The following ELMO1 variants were observed in gnomAD, a reference collection of about 807,000 sequenced individuals.
ELMO1 encodes engulfment and cell motility protein 1.
ELMO1 carries 26 observed loss-of-function variants against 98.9 expected under a neutral mutation model. The ratio of observed to expected loss-of-function variants is 0.26; its 90% CI spans 0.19 to 0.36. The LOEUF (loss-of-function observed/expected upper bound fraction) is 0.36, where lower values mean the gene tolerates loss of function less well. Among genes scored for constraint, ELMO1 ranks in the 10% least tolerant of loss-of-function variants. The pLI is 1.00. For missense variants in ELMO1, 627 were observed against 935.2 expected (o/e 0.67, Z 4.30); for synonymous variants, 346 against 346.0 (o/e 1.00, Z 0.00).
chr7:36,918,998 T>C (rs1438129682), intron 16 of ELMO1, among the ~76,000 whole-genome samples: 1 of 151,038 alleles, frequency 6.6e-6, no homozygotes, highest in Non-Finnish European at 1.5e-5. Context: ...ATTCATTCAG[T>C]CAGTCAGTCA....
intron 1 of ELMO1, among the ~76,000 whole-genome samples, chr7:37,400,219 C>T (rs1038343802): frequency 1.3e-5 from 2 of 152,118 alleles, no homozygotes; most frequent in Non-Finnish European, 1.5e-5. Context: ...CCCTTTGTCT[C>T]GCACACAGCA....
chr7:37,416,971 A>C (rs1804241901), intron 1 of ELMO1, among the ~76,000 whole-genome samples: 1 of 152,230 alleles, frequency 6.6e-6, no homozygotes. Flanking sequence ...CTAGCTTATG[A>C]AATCAAATGA....
chr7:37,410,744 A>C (rs1309005221), intron 1 of ELMO1, among the ~76,000 whole-genome samples: 1 of 152,240 alleles, frequency 6.6e-6, no homozygotes, highest in Non-Finnish European at 1.5e-5. Flanking sequence ...CCCTAAAGGA[A>C]GGCAACCTGA....
chr7:37,093,407 A>G (rs1162549893), intron 15 of ELMO1, among the ~76,000 whole-genome samples: 1 of 152,182 alleles, frequency 6.6e-6, no homozygotes, highest in Non-Finnish European at 1.5e-5. Context: ...TTAATTGAGT[A>G]CTTCTTTGGT....
intron 4 of ELMO1, among the ~76,000 whole-genome samples, chr7:37,296,324 T>C (rs1251672986): frequency 6.6e-6 from 1 of 152,162 alleles, no homozygotes; most frequent in Non-Finnish European, 1.5e-5. Context: ...GAGAGGTTGA[T>C]CTTAGGGCCT....
intron 14 of ELMO1, among the ~76,000 whole-genome samples, chr7:37,103,537 G>C (rs1784760232): frequency 8.9e-6 from 1 of 112,830 alleles, no homozygotes; most frequent in South Asian, 3.6e-4. Context: ...GGGGAGGGGG[G>C]AGGGATAGCA....
chr7:37,145,404 C>G (rs757408567), intron 13 of ELMO1, among the ~76,000 whole-genome samples: 7 of 152,234 alleles, frequency 4.6e-5, no homozygotes, highest in Non-Finnish European at 1.0e-4. Flanking sequence ...GTGCTCAGGA[C>G]TCTTGTCAAT....
intron 6 of ELMO1, 119 bp from the exon 7 acceptor site, chr7:37,244,510 G>T (rs956490523): frequency 2.2e-5 from 22 of 983,290 alleles, no homozygotes; most frequent in Non-Finnish European, 2.9e-5. Flanking sequence ...CTGCCATGAA[G>T]TAAAAGAATT....
At chr7:37,007,206 G>A (rs1197812998) in intron 16 of ELMO1, among the ~76,000 whole-genome samples, 1 of 152,222 alleles carries the variant, frequency 6.6e-6, no homozygotes, top group Non-Finnish European at 1.5e-5. Context: ...CTTGTTAATC[G>A]CCTAGACAGT....
intron 4 of ELMO1, among the ~76,000 whole-genome samples, chr7:37,305,466 G>GTGTC (rs1562598578): frequency 3.3e-5 from 5 of 152,180 alleles, no homozygotes; most frequent in Non-Finnish European, 7.4e-5. Context: ...GTGTGTGTGT[G>GTGTC]TGTATGTGCA....
intron 4 of ELMO1, among the ~76,000 whole-genome samples, chr7:37,291,637 A>G: frequency 6.6e-6 from 1 of 152,226 alleles, no homozygotes; most frequent in Non-Finnish European, 1.5e-5. Flanking sequence ...CACGTAGGCC[A>G]GGCGTGGTGG....
At chr7:37,037,296 C>T (rs13242167) in intron 15 of ELMO1, among the ~76,000 whole-genome samples, 12,621 of 152,200 alleles carry the variant, frequency 0.083, 737 homozygotes, top group African/African-American at 0.17. Context: ...AAGAGCCACA[C>T]GTTGTTCTGT....
At chr7:37,173,009 G>T (rs1040930510) in intron 13 of ELMO1, among the ~76,000 whole-genome samples, 4 of 152,192 alleles carry the variant, frequency 2.6e-5, no homozygotes, top group African/African-American at 9.7e-5. Flanking sequence ...ATTGAGTTGA[G>T]ATGGATATGT....
intron 1 of ELMO1, among the ~76,000 whole-genome samples, chr7:37,438,831 AAC>A (rs1415004295): frequency 1.3e-5 from 2 of 152,194 alleles, no homozygotes; most frequent in Non-Finnish European, 2.9e-5. Context: ...AGGAGATCTG[AAC>A]CCTCCATTAA....
chr7:37,288,572 C>A (rs929865970), intron 4 of ELMO1, among the ~76,000 whole-genome samples: 1 of 152,206 alleles, frequency 6.6e-6, no homozygotes, highest in African/African-American at 2.4e-5. Flanking sequence ...TTAAAGCAAT[C>A]TTGGCCAAGG....
At chr7:37,343,689 C>T (rs974622654) in intron 1 of ELMO1, among the ~76,000 whole-genome samples, 1 of 152,108 alleles carries the variant, frequency 6.6e-6, no homozygotes, top group African/African-American at 2.4e-5. Context: ...GCCATGTTGG[C>T]CAGGCTGGTC....
At chr7:37,418,406 C>T (rs1163577654) in intron 1 of ELMO1, among the ~76,000 whole-genome samples, 1 of 152,190 alleles carries the variant, frequency 6.6e-6, no homozygotes, top group African/African-American at 2.4e-5. Context: ...CACCACAGTA[C>T]TCCAAGCAGT....
chr7:37,211,613 G>GA, intron 12 of ELMO1, 96 bp from the exon 13 acceptor site: 1 of 1,468,112 alleles, frequency 6.8e-7, no homozygotes, highest in Admixed American at 2.1e-5. Flanking sequence ...GGGTCTAAAT[G>GA]AATCACTGCA....
At chr7:37,101,646 C>T (rs762614417) in intron 14 of ELMO1, among the ~76,000 whole-genome samples, 2 of 152,070 alleles carry the variant, frequency 1.3e-5, no homozygotes, top group African/African-American at 2.4e-5. Context: ...TACCTTCCAC[C>T]GAGCACATTC....
Sources: allele counts gnomAD v4.1 joint callset (sites outside exome capture counted in the v4.1 genomes callset), GRCh38; gene constraint gnomAD v4.1.1; transcripts MANE v1.5; gene names NCBI Gene and HGNC (gene_info 2026-07-23, HGNC 2026-07-21).